IGF1R: variants seen among roughly 807,000 people sequenced by gnomAD.
The protein encoded by IGF1R is insulin-like growth factor 1 receptor.
IGF1R carries 44 observed loss-of-function variants against 144.6 expected under a neutral mutation model. That is an observed-to-expected ratio of 0.30 (90% confidence interval 0.24 to 0.39). IGF1R has a LOEUF of 0.39. Ranked by LOEUF, IGF1R falls within the 10% of genes least tolerant of loss-of-function variation. IGF1R has a pLI of 1.00. For synonymous variants in IGF1R, 795 were observed against 722.8 expected (o/e 1.10, Z -1.60); for missense variants, 1,355 against 1,833.7 (o/e 0.74, Z 4.77).
At chr15:98,670,453 T>G (rs989648491) in intron 1 of IGF1R, among the ~76,000 whole-genome samples, 1 of 152,142 alleles carries the variant, frequency 6.6e-6, no homozygotes. Context: ...CAGGGATGGT[T>G]TTCCAGGTCT....
At chr15:98,724,976 G>C (rs1384760802) in intron 2 of IGF1R, among the ~76,000 whole-genome samples, 1 of 152,240 alleles carries the variant, frequency 6.6e-6, no homozygotes, top group African/African-American at 2.4e-5. Flanking sequence ...GAATCACAGT[G>C]AGTTGGAAGG....
chr15:98,668,489 CTG>C (rs1345139320), intron 1 of IGF1R, among the ~76,000 whole-genome samples: 1 of 152,234 alleles, frequency 6.6e-6, no homozygotes, highest in Non-Finnish European at 1.5e-5. Context: ...ACATTCGCCT[CTG>C]TAACCAAATG....
rs139029492 is a variant in IGF1R, at chr15:98,860,324, G to C, written c.641-31001G>C. On this transcript the variant is annotated intron_variant, in intron 2 of 20. Transcript: ENST00000650285. ...TTGTACAGACCATCCTAGTAGAAATGTGGATCTTGAGTATCTCAGCTTCTT... is the reference window on the plus strand; with the variant it reads ...TTGTACAGACCATCCTAGTAGAAATCTGGATCTTGAGTATCTCAGCTTCTT... Among the ~76,000 whole-genome samples, 605 of 152,358 alleles carry C rather than the reference G, an allele frequency of 4.0e-3. 3 individuals are homozygous for C. Among genetic ancestry groups the C allele is most frequent in the African/African-American group, 0.014 (580 of 41,594 alleles).
At chr15:98,893,707 T>C (rs1394674762) in intron 3 of IGF1R, among the ~76,000 whole-genome samples, 1 of 152,224 alleles carries the variant, frequency 6.6e-6, no homozygotes, top group African/African-American at 2.4e-5. Flanking sequence ...ACCAGAGTTG[T>C]GGCAAAGTGG....
intron 2 of IGF1R, among the ~76,000 whole-genome samples, chr15:98,747,137 A>G (rs986074050): frequency 7.9e-5 from 12 of 152,228 alleles, no homozygotes; most frequent in African/African-American, 2.7e-4. Flanking sequence ...TCTTCAAACT[A>G]TAGCTCTATC....
chr15:98,902,669 C>T (rs1312215447), intron 5 of IGF1R, among the ~76,000 whole-genome samples: 2 of 152,166 alleles, frequency 1.3e-5, no homozygotes, highest in Non-Finnish European at 2.9e-5. Context: ...CCGCCTCAGC[C>T]TCCCAATGTG....
Position 98,722,234 on chromosome 15 carries a change from ACT to A in IGF1R, c.640+14130_640+14131del, listed in dbSNP as rs375670145. 1.7e-3 allele frequency among the ~76,000 whole-genome samples: 258 copies of A among 152,218 alleles called. 1 individual carries two copies. Among genetic ancestry groups the A allele is most frequent in the Non-Finnish European group, 2.5e-3 (172 of 68,014 alleles). ...GACAACTTATGCGGTGTGACGAGAC[ACT>A]CTACGACTTTTGCCAGAAGAGAAAT... On this transcript the variant is annotated intron_variant, in intron 2 of 20. Transcript: ENST00000650285.
chr15:98,650,255 G>A (rs1322786370), intron 1 of IGF1R, among the ~76,000 whole-genome samples: 1 of 152,166 alleles, frequency 6.6e-6, no homozygotes, highest in Non-Finnish European at 1.5e-5. Flanking sequence ...AGCGCCCGTC[G>A]CTGCCTCCCG....
chr15:98,708,257 G>A (rs1008339111), intron 2 of IGF1R, 150 bp downstream of exon 2: 107 of 740,086 alleles, frequency 1.4e-4, no homozygotes, highest in Non-Finnish European at 2.4e-4. Flanking sequence ...GTGCGGAAGT[G>A]GTTCCCAGTG....
intron 9 of IGF1R, among the ~76,000 whole-genome samples, 191 bp downstream of exon 9, chr15:98,916,322 C>T (rs557458250): frequency 2.1e-5 from 3 of 145,554 alleles, no homozygotes; most frequent in African/African-American, 5.1e-5. Flanking sequence ...AGTGCAGTGG[C>T]ACGATCATGG....
At chr15:98,713,475 G>C (rs2054043986) in intron 2 of IGF1R, among the ~76,000 whole-genome samples, 1 of 152,292 alleles carries the variant, frequency 6.6e-6, no homozygotes, top group South Asian at 2.1e-4. Context: ...TTGGCAGAGA[G>C]GACCACTATG....
At chr15:98,849,187 G>A (rs1214541402) in intron 2 of IGF1R, among the ~76,000 whole-genome samples, 1 of 152,182 alleles carries the variant, frequency 6.6e-6, no homozygotes, top group African/African-American at 2.4e-5. Context: ...ACCAATAGAT[G>A]AAGAGACAGA....
chr15:98,695,926 T>C lies in IGF1R; in HGVS notation c.95-11636T>C, dbSNP rs531402241. ...GGATGTTCTTCCACTGACTTATCTC[T>C]CTTAATGTGTGGAGGCAGAAACCCA... On this transcript the variant is annotated intron_variant, in intron 1 of 20. Transcript: ENST00000650285. Among the ~76,000 whole-genome samples the C allele has an allele frequency of 1.4e-4, 22 of 152,004 alleles. No individual in the cohort carries two copies. In the South Asian group the frequency reaches 4.4e-3, roughly 30 times the overall value.
intron 5 of IGF1R, among the ~76,000 whole-genome samples, chr15:98,904,049 ATT>A (rs35759630): frequency 0.012 from 1,259 of 103,768 alleles, 16 homozygotes; most frequent in Admixed American, 0.032. Flanking sequence ...TGATGGGTGA[ATT>A]TTTTTTTTTT....
intron 2 of IGF1R, among the ~76,000 whole-genome samples, chr15:98,888,300 T>A (rs1255627223): frequency 6.6e-6 from 1 of 152,272 alleles, no homozygotes; most frequent in Non-Finnish European, 1.5e-5. Context: ...TATTCTGTTG[T>A]GACCAGTTTA....
At chr15:98,686,032 A>C (rs1484671551) in intron 1 of IGF1R, among the ~76,000 whole-genome samples, 1 of 152,194 alleles carries the variant, frequency 6.6e-6, no homozygotes, top group African/African-American at 2.4e-5. Context: ...TCCATCAAAC[A>C]ACTCCCCATT....
chr15:98,916,065 T>C lies in IGF1R; in HGVS notation c.1930T>C (p.Tyr644His). Reference sequence around the variant, plus strand: ...TCTGCCCAACGGCAACCTGAGTTACTACATTGTGCGCTGGCAGCGGCAGCC... The same window carrying C: ...TCTGCCCAACGGCAACCTGAGTTACCACATTGTGCGCTGGCAGCGGCAGCC... ...PSLPNGNLSY[Y>H]IVRWQRQPQD... Residue 644 changes from tyrosine to histidine, a missense_variant, in exon 9 of 21, where the codon TAC (tyrosine) becomes CAC (histidine). Tyr to His is a moderately conservative substitution (Grantham distance 83, BLOSUM62 2). Transcript: ENST00000650285. 6.2e-7 allele frequency: 1 copy of C among 1,614,240 alleles called. No individual in the cohort carries two copies. The highest frequency in any genetic ancestry group is 8.5e-7 in the Non-Finnish European group (1 of 1,180,028).
intron 13 of IGF1R, among the ~76,000 whole-genome samples, chr15:98,927,870 C>G (rs973529261): frequency 3.3e-5 from 5 of 152,182 alleles, no homozygotes; most frequent in Non-Finnish European, 7.3e-5. Context: ...CCCAGTGATT[C>G]CAGGCCCATT....
Position 98,769,883 on chromosome 15 carries a change from CA to C in IGF1R, c.640+61780del, listed in dbSNP as rs1275693477. ...GCACATGCTCAAAGATTTTTCCAGG[CA>C]AAATTTCTTTAAAGCAGGATTTGAG... On this transcript the variant is annotated intron_variant, in intron 2 of 20. Coordinates refer to ENST00000650285, the MANE Select transcript of IGF1R (RefSeq NM_000875.5). 4.6e-5 allele frequency among the ~76,000 whole-genome samples: 7 copies of C among 152,248 alleles called. No homozygotes were observed. The East Asian group carries it at 1.4e-3, about 29-fold the overall frequency.
Sources: allele counts gnomAD v4.1 joint callset (sites outside exome capture counted in the v4.1 genomes callset), GRCh38; gene constraint gnomAD v4.1.1; transcripts MANE v1.5; gene names NCBI Gene and HGNC (gene_info 2026-07-23, HGNC 2026-07-21).